Variants in DBF4B observed in about 807,000 individuals in gnomAD.
DBF4B encodes the protein protein DBF4 homolog B.
DBF4B carries 49 observed loss-of-function variants against 53.4 expected under a neutral mutation model. The ratio of observed to expected loss-of-function variants is 0.92; its 90% CI spans 0.73 to 1.16. The LOEUF is 1.16. Among genes scored for constraint, DBF4B ranks in the 50% most tolerant of loss-of-function variants. DBF4B has a pLI of 0.00. For missense variants in DBF4B, 692 were observed against 775.0 expected (o/e 0.89, Z 1.27); for synonymous variants, 257 against 288.7 (o/e 0.89, Z 1.11).
chr17:44,750,136 A>C, intron 13 of DBF4B: 2 of 995,662 alleles, frequency 2.0e-6, no homozygotes, highest in Non-Finnish European at 2.4e-6. Context: ...GCCAACTTCC[A>C]CATCACCCTC....
At chr17:44,746,405 TTTTCCC>T (rs1288566968) in intron 10 of DBF4B, among the ~76,000 whole-genome samples, 1 of 152,154 alleles carries the variant, frequency 6.6e-6, no homozygotes, top group Non-Finnish European at 1.5e-5. Context: ...GGTTGAGACC[TTTTCCC>T]TTTCATCTTT....
At chr17:44,712,581 G>A (rs948627240) in intron 2 of DBF4B, among the ~76,000 whole-genome samples, 4 of 151,908 alleles carry the variant, frequency 2.6e-5, no homozygotes, top group South Asian at 2.1e-4. Context: ...TGGGATTACA[G>A]GCATGAGCCA....
In DBF4B at chr17:44,751,144, C is replaced by T. The variant is rs145482562; in HGVS notation, c.1739C>T (p.Ser580Phe). ...CATCCGTGTACCCTTGCCTTCCCCT[C>T]CTATCTCAATGATCATGACCTTGGA... ...TSHPCTLAFPSYLNDHDLGHL... is the reference protein window; with the variant it reads ...TSHPCTLAFPFYLNDHDLGHL... The change falls in exon 14 of 14, where the codon TCC becomes TTC. Residue 580 changes from serine to phenylalanine, a missense_variant. Physicochemically the swap from Ser to Phe is radical, Grantham distance 155. Around this residue, in one of 3 missense-constraint regions of DBF4B, gnomAD observed 597 missense variants for 665.8 expected, o/e 0.90. Transcript: ENST00000315005. 8.7e-6 allele frequency: 14 copies of T among 1,614,108 alleles called. No individual in the cohort carries two copies. Among genetic ancestry groups the T allele is most frequent in the Middle Eastern group, 1.6e-4 (1 of 6,062 alleles).
At chr17:44,714,113 G>A (rs1973132479) in intron 2 of DBF4B, among the ~76,000 whole-genome samples, 1 of 152,112 alleles carries the variant, frequency 6.6e-6, no homozygotes, top group Admixed American at 6.6e-5. Context: ...GTAAGTGGGA[G>A]CTAAGCTGTG....
chr17:44,741,513 G>A, intron 10 of DBF4B, 61 bp downstream of exon 10: 1 of 1,162,456 alleles, frequency 8.6e-7, no homozygotes, highest in Non-Finnish European at 1.2e-6. Flanking sequence ...CTCCCCATCG[G>A]GGGCCTGCTG....
chr17:44,722,898 G>A lies in DBF4B; in HGVS notation c.101G>A (p.Gly34Glu), dbSNP rs777193210. 1 of 1,614,124 alleles carries A rather than the reference G, an allele frequency of 6.2e-7. No individual in the cohort carries two copies. The highest frequency in any genetic ancestry group is 1.1e-5 in the South Asian group (1 of 91,078). Residue 34 changes from glycine to glutamate, a missense_variant, in exon 3 of 14, where the codon GGA becomes GAA. Physicochemically the swap from Gly to Glu is moderately conservative, Grantham distance 98. Transcript: ENST00000315005. Reference sequence around the variant, plus strand: ...TTTCTAGGAGTTTCCAGGTGTCTAGGAAAATGCCAGAAGAACTCACCAGGT... The same window carrying A: ...TTTCTAGGAGTTTCCAGGTGTCTAGAAAAATGCCAGAAGAACTCACCAGGT... The part of the protein sequence containing the change: ...APDLGVSRCL[G>E]KCQKNSPGAR...
intron 9 of DBF4B, among the ~76,000 whole-genome samples, chr17:44,740,926 G>A (rs938015833): frequency 6.6e-6 from 1 of 152,128 alleles, no homozygotes; most frequent in Admixed American, 6.5e-5. Flanking sequence ...ACAAGGTCAG[G>A]AGATCGAGAC....
At chr17:44,724,104 G>A (rs548760057) in intron 3 of DBF4B, among the ~76,000 whole-genome samples, 22 of 152,040 alleles carry the variant, frequency 1.4e-4, no homozygotes, top group African/African-American at 5.3e-4. Flanking sequence ...GTGAGACCTT[G>A]TCTCAAAAAA....
chr17:44,733,995 G>C, intron 6 of DBF4B, 95 bp from the exon 7 acceptor site: 1 of 1,002,658 alleles, frequency 1.0e-6, no homozygotes, highest in Non-Finnish European at 1.6e-6. Context: ...TCAGTGGGCT[G>C]GCCCAGCGAG....
At position 44,725,684 on chromosome 17, in the gene DBF4B, C is replaced by CTTTTTTTTTTTTTT. The variant is rs68091397; in HGVS notation, c.225+2669_225+2682dup. 6.7e-4 allele frequency among the ~76,000 whole-genome samples: 59 copies of CTTTTTTTTTTTTTT among 87,630 alleles called. 4 individuals carry two copies. Among genetic ancestry groups the CTTTTTTTTTTTTTT allele is most frequent in the Middle Eastern group, 7.5e-3 (1 of 134 alleles). The allele number at this position is 87,630 out of a possible 152,430, so 57.5% of individuals were successfully genotyped here. ...ATCCTGCCTTTGTTTTTTTGTGCTT[C>CTTTTTTTTTTTTTT]TTTTTTTTTTTTTTTTTTTTAAGAG... On this transcript the variant is annotated intron_variant, in intron 3 of 13. Coordinates refer to ENST00000315005, the MANE Select transcript of DBF4B (RefSeq NM_145663.3).
chr17:44,731,135 T>G (rs1974798699), intron 5 of DBF4B, 120 bp downstream of exon 5: 1 of 1,114,690 alleles, frequency 9.0e-7, no homozygotes, highest in African/African-American at 1.5e-5. Flanking sequence ...TATGTAGTAT[T>G]GTCATTATTT....
intron 8 of DBF4B, 45 bp from the exon 9 acceptor site, chr17:44,738,334 A>G: frequency 6.3e-7 from 1 of 1,598,962 alleles, no homozygotes. Flanking sequence ...CAGGCCCTGC[A>G]CAGGGGCAGA....
At chr17:44,729,683 T>TACACATACACACAC (rs1974654515) in intron 3 of DBF4B, among the ~76,000 whole-genome samples, 1 of 138,178 alleles carries the variant, frequency 7.2e-6, no homozygotes, top group Non-Finnish European at 1.6e-5. Flanking sequence ...GTAATACACA[T>TACACATACACACAC]ACACACACAC....
At chr17:44,720,506 T>C (rs759260452) in intron 2 of DBF4B, 15 of 203,006 alleles carry the variant, frequency 7.4e-5, no homozygotes, top group Non-Finnish European at 1.2e-4. Context: ...AGCCTTGAGG[T>C]TGCCCCTTTT....
intron 2 of DBF4B, among the ~76,000 whole-genome samples, chr17:44,716,606 G>T (rs1397049544): frequency 6.6e-6 from 1 of 152,066 alleles, no homozygotes. Context: ...GCCTCCACCC[G>T]CTAGATGCCA....
chr17:44,725,680 GCTT>G (rs1274314289), intron 3 of DBF4B, among the ~76,000 whole-genome samples: 3 of 79,714 alleles, frequency 3.8e-5, no homozygotes, highest in Non-Finnish European at 7.5e-5. Context: ...GTTTTTTTGT[GCTT>G]CTTTTTTTTT....
At chr17:44,713,257 G>A (rs1485236382) in intron 2 of DBF4B, among the ~76,000 whole-genome samples, 3 of 149,282 alleles carry the variant, frequency 2.0e-5, no homozygotes, top group Admixed American at 1.3e-4. Flanking sequence ...TAGCCTGTAT[G>A]GTCTTCATCT....
Position 44,751,384 on chromosome 17 carries a change from C to A in DBF4B, c.*131C>A, listed in dbSNP as rs1052480044. On this transcript the variant is annotated 3_prime_UTR_variant, in exon 14 of 14. Coordinates refer to ENST00000315005, the MANE Select transcript of DBF4B (RefSeq NM_145663.3). Reference sequence around the variant, plus strand: ...TTCCACTCCAGCCCCCTTTCCACATCGCACCAGATGACTTTTACCCAGACC... The same window carrying A: ...TTCCACTCCAGCCCCCTTTCCACATAGCACCAGATGACTTTTACCCAGACC... The A allele has an allele frequency of 1.3e-5, 19 of 1,440,404 alleles. No homozygotes were observed. In the Admixed American group the frequency reaches 5.3e-4, roughly 40 times the overall value. The allele number at this position is 1,440,404 out of a possible 1,614,324, so 89.2% of individuals were successfully genotyped here.
At chr17:44,736,275 C>A (rs1008026881) in intron 7 of DBF4B, among the ~76,000 whole-genome samples, 2 of 152,070 alleles carry the variant, frequency 1.3e-5, no homozygotes, top group African/African-American at 4.8e-5. Flanking sequence ...TGAGCCACCA[C>A]GCCCGGCCTC....
Sources: allele counts gnomAD v4.1 joint callset (sites outside exome capture counted in the v4.1 genomes callset), GRCh38; gene constraint gnomAD v4.1.1; regional missense constraint gnomAD v4.1.1; transcripts MANE v1.5; gene names NCBI Gene and HGNC (gene_info 2026-07-23, HGNC 2026-07-21).